The following ZNF385D variants were observed in gnomAD, a reference collection of about 807,000 sequenced individuals.
ZNF385D encodes the protein zinc finger protein 385D.
Under a neutral mutation model 35.8 loss-of-function variants are expected in ZNF385D, and 15 were observed. That is an observed-to-expected ratio of 0.42 (90% CI 0.28 to 0.64). ZNF385D has a LOEUF of 0.64. Among genes scored for constraint, ZNF385D ranks in the 30% least tolerant of loss-of-function variants. The pLI, the probability that ZNF385D is intolerant of heterozygous loss-of-function variation, is 0.23. For synonymous variants in ZNF385D, 212 were observed against 186.8 expected, an observed-to-expected ratio of 1.13 and a Z score of -1.10; for missense variants, 474 against 494.6, an observed-to-expected ratio of 0.96 and a Z score of 0.39.
intron 1 of ZNF385D, among the ~76,000 whole-genome samples, chr3:21,674,564 A>C (rs1387763771): frequency 6.6e-6 from 1 of 152,116 alleles, no homozygotes; most frequent in Non-Finnish European, 1.5e-5. Context: ...GTGTTATCTA[A>C]GTTACATTGC....
At chr3:21,890,520 G>A (rs1350826552) in intron 3 of ZNF385D, among the ~76,000 whole-genome samples, 3 of 152,158 alleles carry the variant, frequency 2.0e-5, no homozygotes, top group African/African-American at 7.2e-5. Flanking sequence ...TCAGGAGGCT[G>A]AGGCAGGAGA....
chr3:22,282,786 A>T lies in ZNF385D; in HGVS notation c.106+89664T>A, dbSNP rs549785823. On this transcript the variant is annotated intron_variant, in intron 2 of 5. Transcript: ENST00000494108. ...TAAAATTATAACACAATGAAAAAAA[A>T]CACAAGGTATTCAACAAATAGCATG... Among the ~76,000 whole-genome samples, 8 of 152,242 alleles carry T rather than the reference A, an allele frequency of 5.3e-5. No homozygotes were observed. The South Asian group carries it at 8.3e-4, about 16-fold the overall frequency.
chr3:22,254,731 G>T (rs1285292156), intron 2 of ZNF385D, among the ~76,000 whole-genome samples: 1 of 151,760 alleles, frequency 6.6e-6, no homozygotes, highest in African/African-American at 2.4e-5. Context: ...ATTATAATAT[G>T]CCAGCATTAC....
chr3:22,295,339 G>A (rs1161736772), intron 2 of ZNF385D, among the ~76,000 whole-genome samples: 1 of 152,052 alleles, frequency 6.6e-6, no homozygotes, highest in Non-Finnish European at 1.5e-5. Flanking sequence ...TGTAGAATAG[G>A]CTATACAGCT....
intron 2 of ZNF385D, among the ~76,000 whole-genome samples, chr3:22,356,739 TTC>T (rs1696168240): frequency 6.6e-6 from 1 of 151,980 alleles, no homozygotes; most frequent in Non-Finnish European, 1.5e-5. Flanking sequence ...AATGGGATAT[TTC>T]TGAGTTTAGT....
At chr3:21,851,931 G>C (rs556881684) in intron 3 of ZNF385D, among the ~76,000 whole-genome samples, 1 of 152,040 alleles carries the variant, frequency 6.6e-6, no homozygotes, top group South Asian at 2.1e-4. Context: ...GACACTCCTT[G>C]TCTTGTTGCC....
intron 4 of ZNF385D, among the ~76,000 whole-genome samples, chr3:21,510,030 C>T (rs140542018): frequency 7.2e-5 from 11 of 152,248 alleles, no homozygotes; most frequent in African/African-American, 2.2e-4. Flanking sequence ...ATGATATGAA[C>T]GTTTCCTTAC....
chr3:21,904,457 C>G (rs1034111806), intron 3 of ZNF385D, among the ~76,000 whole-genome samples: 19 of 152,062 alleles, frequency 1.2e-4, no homozygotes, highest in Admixed American at 7.9e-4. Flanking sequence ...AACTACTATG[C>G]AGGCTAATTT....
intron 3 of ZNF385D, among the ~76,000 whole-genome samples, chr3:22,160,488 C>T (rs1354139851): frequency 6.6e-6 from 1 of 151,992 alleles, no homozygotes; most frequent in African/African-American, 2.4e-5. Flanking sequence ...CATTAACTAT[C>T]AATGTTGCAG....
Position 21,557,920 on chromosome 3 carries a change from ATT to A in ZNF385D, c.276+6652_276+6653del, listed in dbSNP as rs569250989. Among the ~76,000 whole-genome samples the A allele has an allele frequency of 6.0e-3, 916 of 151,922 alleles. 10 individuals carry two copies. Among genetic ancestry groups the A allele is most frequent in the African/African-American group, 0.021 (860 of 41,408 alleles). On this transcript the variant is annotated intron_variant, in intron 3 of 7. Transcript: ENST00000281523. ...CCAGGAATTTATCCATTTCTTCTAGATTTTCTAGTTTATTTGCATAGAGGTGT... is the reference window on the plus strand; with the variant it reads ...CCAGGAATTTATCCATTTCTTCTAGATTCTAGTTTATTTGCATAGAGGTGT...
At chr3:21,974,242 C>T (rs906263739) in intron 3 of ZNF385D, among the ~76,000 whole-genome samples, 6 of 151,932 alleles carry the variant, frequency 3.9e-5, no homozygotes, top group African/African-American at 1.2e-4. Context: ...ACCAGTGGAA[C>T]AGAATAGAGA....
chr3:22,020,988 C>G (rs1399830307), intron 3 of ZNF385D, among the ~76,000 whole-genome samples: 3 of 151,776 alleles, frequency 2.0e-5, no homozygotes, highest in Non-Finnish European at 4.4e-5. Flanking sequence ...ATGGATGGAA[C>G]AGGAGGCCAT....
intron 2 of ZNF385D, among the ~76,000 whole-genome samples, chr3:22,182,200 C>T (rs916646706): frequency 6.6e-6 from 1 of 152,134 alleles, no homozygotes; most frequent in East Asian, 1.9e-4. Context: ...ACTACTATAC[C>T]AATTAACTCT....
At chr3:22,236,689 C>T (rs1699201921) in intron 2 of ZNF385D, among the ~76,000 whole-genome samples, 1 of 152,112 alleles carries the variant, frequency 6.6e-6, no homozygotes, top group African/African-American at 2.4e-5. Flanking sequence ...AATGAAACCC[C>T]ATAATGATTA....
chr3:21,821,362 A>C (rs537518037), intron 3 of ZNF385D, among the ~76,000 whole-genome samples: 1 of 152,220 alleles, frequency 6.6e-6, no homozygotes, highest in South Asian at 2.1e-4. Context: ...CTGGAAATTA[A>C]GCATTTGACA....
chr3:22,169,767 T>A (rs188928587), intron 2 of ZNF385D, among the ~76,000 whole-genome samples: 211 of 152,308 alleles, frequency 1.4e-3, no homozygotes, highest in Non-Finnish European at 2.6e-3. Flanking sequence ...GGTCAACCCA[T>A]AATTTCAGTA....
At chr3:22,097,749 G>A (rs1357148196) in intron 3 of ZNF385D, among the ~76,000 whole-genome samples, 2 of 152,018 alleles carry the variant, frequency 1.3e-5, no homozygotes, top group African/African-American at 4.8e-5. Flanking sequence ...AGGCAGACTT[G>A]ACAGAAAGTG....
At chr3:21,823,538 A>T (rs1210971427) in intron 3 of ZNF385D, among the ~76,000 whole-genome samples, 2 of 152,188 alleles carry the variant, frequency 1.3e-5, no homozygotes, top group African/African-American at 4.8e-5. Context: ...TTTTCATCAG[A>T]CATTACAGCC....
At chr3:22,010,404 C>T (rs1696499909) in intron 3 of ZNF385D, among the ~76,000 whole-genome samples, 1 of 152,160 alleles carries the variant, frequency 6.6e-6, no homozygotes, top group Admixed American at 6.5e-5. Context: ...CAAATATTAT[C>T]TCCAGGATGA....
Sources: gnomAD v4.1 joint callset for allele counts (sites outside exome capture counted in the v4.1 genomes callset) on GRCh38, gnomAD v4.1.1 for gene constraint, MANE v1.5 for transcripts, NCBI Gene and HGNC (gene_info 2026-07-23, HGNC 2026-07-21) for gene names.